Variants in TBC1D9 observed in about 807,000 individuals in gnomAD.
The protein encoded by TBC1D9 is TBC1 domain family member 9, also known as TBC1 domain family member 9A.
TBC1D9 carries 63 observed loss-of-function variants against 132.0 expected under a neutral mutation model. The ratio of observed to expected loss-of-function variants is 0.48; its 90% CI spans 0.39 to 0.59. TBC1D9 has a LOEUF of 0.59. Among genes scored for constraint, TBC1D9 ranks in the 20% least tolerant of loss-of-function variants. TBC1D9 has a pLI of 0.00. For missense variants in TBC1D9, 1,261 were observed against 1,592.7 expected, an observed-to-expected ratio of 0.79 and a Z score of 3.54; for synonymous variants, 610 against 609.9, an observed-to-expected ratio of 1.00 and a Z score of 0.00.
In TBC1D9 at chr4:140,711,340, G is replaced by A. The variant is rs183946079; in HGVS notation, c.131-9726C>T. On this transcript the variant is annotated intron_variant, in intron 1 of 20. Transcript: ENST00000442267. ...GTCAACCTTGAGAGGTAGGAAGGAGGGGCCTTTTTGGTGTGGTAGGAAGAG... is the reference window on the plus strand; with the variant it reads ...GTCAACCTTGAGAGGTAGGAAGGAGAGGCCTTTTTGGTGTGGTAGGAAGAG... Among the ~76,000 whole-genome samples, 358 of 152,234 alleles carry A rather than the reference G, an allele frequency of 2.4e-3. 3 individuals carry two copies. The highest frequency in any genetic ancestry group is 1.9e-3 in the Non-Finnish European group (132 of 68,012).
chr4:140,727,417 G>A lies in TBC1D9; in HGVS notation c.131-25803C>T, dbSNP rs529336260. 5.3e-5 allele frequency among the ~76,000 whole-genome samples: 8 copies of A among 152,302 alleles called. No homozygotes were observed. The East Asian group carries it at 1.2e-3, about 22-fold the overall frequency. ...GGCCAGGCCCCATTCTGGTGGCCAC[G>A]TTCAGGCTCTCAAAGCCCAGCCTGG... On this transcript the variant is annotated intron_variant, in intron 1 of 20. Transcript: ENST00000442267.
chr4:140,741,348 C>T, intron 1 of TBC1D9, among the ~76,000 whole-genome samples: 1 of 152,106 alleles, frequency 6.6e-6, no homozygotes, highest in East Asian at 2.0e-4. Flanking sequence ...CAGAGAATCC[C>T]TTTCCCTTTC....
intron 9 of TBC1D9, among the ~76,000 whole-genome samples, chr4:140,664,676 T>A (rs1737415603): frequency 6.6e-6 from 1 of 152,096 alleles, no homozygotes; most frequent in East Asian, 1.9e-4. Context: ...ACATTTAAGG[T>A]CTATTAATTT....
chr4:140,644,435 C>T (rs942701846), intron 13 of TBC1D9: 6 of 295,888 alleles, frequency 2.0e-5, no homozygotes, highest in Admixed American at 1.5e-4. Flanking sequence ...CCATGGGGGA[C>T]GCGCGGGGCG....
chr4:140,752,185 T>C (rs891489156), intron 1 of TBC1D9, among the ~76,000 whole-genome samples: 2 of 152,096 alleles, frequency 1.3e-5, no homozygotes, highest in African/African-American at 4.8e-5. Flanking sequence ...AACAATACAG[T>C]TGATAAAGAG....
At chr4:140,728,511 T>C (rs926898495) in intron 1 of TBC1D9, among the ~76,000 whole-genome samples, 5 of 152,196 alleles carry the variant, frequency 3.3e-5, no homozygotes, top group African/African-American at 1.2e-4. Flanking sequence ...TTTTGTTTTT[T>C]TTGAGACAGT....
At chr4:140,730,896 A>G (rs1029108060) in intron 1 of TBC1D9, among the ~76,000 whole-genome samples, 4 of 152,160 alleles carry the variant, frequency 2.6e-5, no homozygotes, top group African/African-American at 9.7e-5. Flanking sequence ...CCTTCTTACT[A>G]CTGGAACTAC....
chr4:140,639,625 G>T (rs556508041), intron 13 of TBC1D9, among the ~76,000 whole-genome samples, 197 bp from the exon 14 acceptor site: 35 of 152,314 alleles, frequency 2.3e-4, no homozygotes, highest in African/African-American at 7.9e-4. Context: ...TTCTCAGGCA[G>T]CTCAGCAGCT....
chr4:140,726,260 C>T (rs1244491848), intron 1 of TBC1D9, among the ~76,000 whole-genome samples: 1 of 151,942 alleles, frequency 6.6e-6, no homozygotes, highest in Non-Finnish European at 1.5e-5. Context: ...CTGAACTCCA[C>T]CCTGGGCGAC....
intron 15 of TBC1D9, among the ~76,000 whole-genome samples, chr4:140,634,880 G>A (rs1433641851): frequency 6.6e-6 from 1 of 152,170 alleles, no homozygotes; most frequent in Non-Finnish European, 1.5e-5. Flanking sequence ...GAGCAGAATA[G>A]AGATCCAGAC....
intron 15 of TBC1D9, among the ~76,000 whole-genome samples, chr4:140,634,422 C>A (rs2098660402): frequency 6.6e-6 from 1 of 152,188 alleles, no homozygotes; most frequent in Admixed American, 6.5e-5. Context: ...AGGTCTGCTT[C>A]AATTACTGGG....
intron 1 of TBC1D9, among the ~76,000 whole-genome samples, chr4:140,702,069 G>T (rs576834776): frequency 6.6e-6 from 1 of 152,172 alleles, no homozygotes; most frequent in Non-Finnish European, 1.5e-5. Flanking sequence ...GGAAACAGAG[G>T]GATCTTCCCA....
chr4:140,754,148 T>G (rs1386050359), intron 1 of TBC1D9, among the ~76,000 whole-genome samples: 2 of 152,158 alleles, frequency 1.3e-5, no homozygotes. Context: ...ACAATACAAA[T>G]GTTAAGCAGA....
In TBC1D9 at chr4:140,706,770, AT is replaced by A. The variant is rs1316551694; in HGVS notation, c.131-5157del. ...TTGTCTGCAAGGTACACTGCAGCTT[AT>A]TTTTTTCAATCAATATGTTTGTAAA... is the stretch of plus-strand genomic sequence containing the variant. On this transcript the variant is annotated intron_variant, in intron 1 of 20. Transcript: ENST00000442267. The surrounding 1 kb of genome is among the most constrained non-coding windows in gnomAD (Gnocchi z 4.0). Among the ~76,000 whole-genome samples, 1 of 152,066 alleles carries A rather than the reference AT, an allele frequency of 6.6e-6. No individual in the cohort carries two copies. The highest frequency in any genetic ancestry group is 1.5e-5 in the Non-Finnish European group (1 of 68,010).
intron 9 of TBC1D9, among the ~76,000 whole-genome samples, chr4:140,664,361 C>T (rs1019397198): frequency 2.6e-5 from 4 of 152,128 alleles, no homozygotes; most frequent in African/African-American, 9.7e-5. Context: ...AAATAAAAGA[C>T]ATCCTGTGTT....
intron 15 of TBC1D9, 138 bp downstream of exon 15, chr4:140,638,948 A>T: frequency 1.7e-6 from 1 of 601,604 alleles, no homozygotes; most frequent in Non-Finnish European, 2.8e-6. Flanking sequence ...CATATTAAGT[A>T]CTACAGTTTT....
chr4:140,743,589 C>T (rs938498071), intron 1 of TBC1D9, among the ~76,000 whole-genome samples: 1 of 152,196 alleles, frequency 6.6e-6, no homozygotes, highest in African/African-American at 2.4e-5. Context: ...ACCCTCAGGG[C>T]TTTTGTCTGT....
chr4:140,744,962 TC>T (rs913593263), intron 1 of TBC1D9, among the ~76,000 whole-genome samples: 1 of 148,322 alleles, frequency 6.7e-6, no homozygotes, highest in African/African-American at 2.5e-5. Flanking sequence ...TATTCACAAC[TC>T]CTATCTTAAC....
rs768498762 is a variant in TBC1D9, at chr4:140,679,013, C to T, written c.780G>A (p.Glu260=). 1.9e-6 allele frequency: 3 copies of T among 1,613,904 alleles called. No individual in the cohort carries two copies. The Admixed American group carries it at 5.0e-5, about 27-fold the overall frequency. The part of the protein sequence containing the change: ...NIAMRQLLDN[E]GFEQDRSLPK... ...GCAGGGATCGATCTTGTTCAAATCC[C>T]TCATTGTCTAAGAGTTGCCTCATGG... Residue 260 remains glutamate, a synonymous_variant, in exon 5 of 21, where the codon GAG becomes GAA. Transcript: ENST00000442267.
Sources: gnomAD v4.1 joint callset for allele counts (sites outside exome capture counted in the v4.1 genomes callset) on GRCh38, gnomAD v4.1.1 for gene constraint, Gnocchi (gnomAD v3.1) non-coding constraint, MANE v1.5 for transcripts, NCBI Gene and HGNC (gene_info 2026-07-23, HGNC 2026-07-21) for gene names.